PREX2: variants seen among roughly 807,000 people sequenced by gnomAD.
PREX2 encodes phosphatidylinositol-3,4,5-trisphosphate dependent Rac exchange factor 2.
In PREX2, 107 loss-of-function variants were observed where a neutral mutation model predicts 203.2. The ratio of observed to expected loss-of-function variants is 0.53; its 90% CI spans 0.45 to 0.62. The LOEUF (loss-of-function observed/expected upper bound fraction) is 0.62. Among genes scored for constraint, PREX2 ranks in the 20% least tolerant of loss-of-function variants. The pLI is 0.00. For missense variants in PREX2, 1,777 were observed against 1,955.9 expected (o/e 0.91, Z 1.72); for synonymous variants, 672 against 663.6 (o/e 1.01, Z -0.19).
intron 13 of PREX2, among the ~76,000 whole-genome samples, chr8:68,071,531 A>G (rs1266577671): frequency 1.3e-5 from 2 of 152,190 alleles, no homozygotes; most frequent in African/African-American, 2.4e-5. Context: ...GACATTTTAT[A>G]AAGACTGCCA....
chr8:68,050,377 G>T (rs767538997), intron 8 of PREX2, among the ~76,000 whole-genome samples: 1 of 151,704 alleles, frequency 6.6e-6, no homozygotes, highest in African/African-American at 2.4e-5. Context: ...ATGGTGGAAG[G>T]TGAAGGAGAA....
intron 38 of PREX2, among the ~76,000 whole-genome samples, chr8:68,222,434 C>G (rs1039949695): frequency 2.6e-5 from 2 of 77,078 alleles, no homozygotes; most frequent in Non-Finnish European, 5.6e-5. Context: ...ACAATTTTAG[C>G]AAAAAAAAAA....
chr8:68,001,581 A>G (rs1284090207), intron 1 of PREX2, among the ~76,000 whole-genome samples: 1 of 152,180 alleles, frequency 6.6e-6, no homozygotes, highest in Non-Finnish European at 1.5e-5. Flanking sequence ...CAACCCAGCA[A>G]TCTCATTACT....
At chr8:67,953,174 C>A (rs796994454) in intron 1 of PREX2, among the ~76,000 whole-genome samples, 6 of 69,794 alleles carry the variant, frequency 8.6e-5, no homozygotes, top group African/African-American at 2.2e-4. Flanking sequence ...CAATTCCCTC[C>A]CCCCCGCCCC....
chr8:68,084,031 C>T (rs1399838304), intron 18 of PREX2, among the ~76,000 whole-genome samples: 3 of 152,014 alleles, frequency 2.0e-5, no homozygotes, highest in Non-Finnish European at 2.9e-5. Flanking sequence ...AGTATTGGTA[C>T]ACATATACAC....
chr8:68,167,581 C>T (rs942747211), intron 35 of PREX2, among the ~76,000 whole-genome samples: 5 of 152,054 alleles, frequency 3.3e-5, no homozygotes, highest in African/African-American at 1.2e-4. Context: ...GATCTGCCCA[C>T]CTTGGCCTCC....
chr8:67,981,632 G>A (rs1266080556), intron 1 of PREX2, among the ~76,000 whole-genome samples: 1 of 152,158 alleles, frequency 6.6e-6, no homozygotes, highest in African/African-American at 2.4e-5. Flanking sequence ...AGCTAAGGGT[G>A]GTGCTACCTT....
intron 1 of PREX2, among the ~76,000 whole-genome samples, chr8:67,960,257 G>T (rs1182274657): frequency 6.6e-6 from 1 of 152,044 alleles, no homozygotes; most frequent in Non-Finnish European, 1.5e-5. Flanking sequence ...GTCCAGGCTG[G>T]TCTCAAACTC....
intron 35 of PREX2, among the ~76,000 whole-genome samples, chr8:68,164,111 T>C (rs1050506699): frequency 6.6e-6 from 1 of 152,184 alleles, no homozygotes; most frequent in African/African-American, 2.4e-5. Flanking sequence ...CCTTTTTCTG[T>C]GTTTCTTAAA....
intron 29 of PREX2, 99 bp downstream of exon 29, chr8:68,120,385 C>T (rs1249978628): frequency 3.7e-5 from 28 of 753,982 alleles, no homozygotes; most frequent in Non-Finnish European, 6.1e-5. Context: ...GGAACAATTC[C>T]AGTTACTCAT....
At chr8:68,198,012 A>G (rs1421455665) in intron 37 of PREX2, among the ~76,000 whole-genome samples, 1 of 151,910 alleles carries the variant, frequency 6.6e-6, no homozygotes, top group Admixed American at 6.6e-5. Flanking sequence ...TTTTCCATTA[A>G]TCTAAAAGAA....
intron 31 of PREX2, among the ~76,000 whole-genome samples, chr8:68,131,401 T>A (rs1032883330): frequency 1.1e-4 from 17 of 152,346 alleles, no homozygotes; most frequent in African/African-American, 3.4e-4. Flanking sequence ...CAGAAAATTA[T>A]CTCATGAAAT....
At chr8:68,004,512 G>T (rs1807035669) in intron 1 of PREX2, among the ~76,000 whole-genome samples, 1 of 152,140 alleles carries the variant, frequency 6.6e-6, no homozygotes, top group Admixed American at 6.5e-5. Flanking sequence ...CATCCTTATT[G>T]AATTAGACTC....
intron 1 of PREX2, chr8:67,952,761 C>T (rs1805390883): frequency 4.6e-6 from 3 of 645,300 alleles, no homozygotes; most frequent in Admixed American, 5.4e-5. Context: ...GCCTTGGAGA[C>T]CTCCAGGTCT....
intron 1 of PREX2, among the ~76,000 whole-genome samples, chr8:67,981,871 G>A (rs191738890): frequency 1.4e-4 from 21 of 152,278 alleles, no homozygotes; most frequent in African/African-American, 4.1e-4. Context: ...AAGTGACTTG[G>A]TTGCTCAATT....
chr8:68,099,589 G>T (rs1585790851), intron 22 of PREX2, 93 bp from the exon 23 acceptor site: 20 of 1,241,512 alleles, frequency 1.6e-5, no homozygotes, highest in South Asian at 1.5e-5. Context: ...GGCTACTTTT[G>T]AAGTTTTTCT....
At position 68,081,054 on chromosome 8, in the gene PREX2, C is replaced by T. The variant is rs78665656; in HGVS notation, c.1878+216C>T. Among the ~76,000 whole-genome samples the T allele has an allele frequency of 9.4e-3, 1,426 of 152,088 alleles. 34 individuals are homozygous for T. The highest frequency in any genetic ancestry group is 0.032 in the African/African-American group (1,344 of 41,466). On this transcript the variant is annotated intron_variant, in intron 17 of 39. Transcript: ENST00000288368. ...CTGGCCACTCAGGGATAATAGGGGC[C>T]GGGAGGTGGTGGGTATTCTATAGCA...
chr8:68,046,293 C>G (rs561683382), intron 8 of PREX2, among the ~76,000 whole-genome samples: 3 of 152,092 alleles, frequency 2.0e-5, no homozygotes, highest in African/African-American at 7.2e-5. Context: ...ATAGTGATTA[C>G]TATGATTACT....
chr8:68,217,491 C>T (rs1362117424), intron 37 of PREX2, 125 bp from the exon 38 acceptor site: 6 of 631,284 alleles, frequency 9.5e-6, no homozygotes, highest in Admixed American at 2.7e-5. Context: ...GAAAAATCAG[C>T]GGTTCATTGT....
Sources: gnomAD v4.1 joint callset for allele counts (sites outside exome capture counted in the v4.1 genomes callset) on GRCh38, gnomAD v4.1.1 for gene constraint, MANE v1.5 for transcripts, NCBI Gene and HGNC (gene_info 2026-07-23, HGNC 2026-07-21) for gene names.